The following FCGR2B variants were observed in gnomAD, a reference collection of about 807,000 sequenced individuals.
The protein encoded by FCGR2B is low affinity immunoglobulin gamma Fc region receptor II-b.
A neutral mutation model predicts 24.8 loss-of-function variants in FCGR2B; 18 were observed. The ratio of observed to expected loss-of-function variants is 0.73; its 90% CI spans 0.50 to 1.08. The LOEUF (loss-of-function observed/expected upper bound fraction) is 1.08. FCGR2B is among the 50% of genes least tolerant of loss of function. The pLI is 0.00. For synonymous variants in FCGR2B, 79 were observed against 109.8 expected, an observed-to-expected ratio of 0.72 and a Z score of 1.75; for missense variants, 215 against 297.6, an observed-to-expected ratio of 0.72 and a Z score of 2.04.
the FCGR2B span, among the ~76,000 whole-genome samples, chr1:161,647,583 G>C: frequency 2.0e-5 from 3 of 150,612 alleles, no homozygotes; most frequent in Non-Finnish European, 4.4e-5. Context: ...AGCATTAGAG[G>C]TGTGAGCCAC....
At chr1:161,647,560 C>T in the FCGR2B span, among the ~76,000 whole-genome samples, 1 of 150,496 alleles carries the variant, frequency 6.6e-6, no homozygotes. Flanking sequence ...CCGCCTCGGC[C>T]TCCTAAAGTG....
At position 161,677,797 on chromosome 1, in the gene FCGR2B, C is replaced by T; in HGVS notation, c.*244C>T. 2.0e-6 allele frequency: 1 copy of T among 491,030 alleles called. No homozygotes were observed. Among genetic ancestry groups the T allele is most frequent in the Non-Finnish European group, 3.6e-6 (1 of 279,678 alleles). 30.4% of individuals were successfully genotyped at this position (491,030 alleles called of 1,614,324 possible). A position where few individuals can be genotyped will look rare whatever the true frequency, so the allele number is the denominator to read the frequency against. On this transcript the variant is annotated 3_prime_UTR_variant, in exon 8 of 8. Coordinates refer to ENST00000358671, the MANE Select transcript of FCGR2B (RefSeq NM_001394477.1). ...TTCTTGACATCAAGGCTCTTCCGTT[C>T]CACATCCACACAGCCAATCCAATTA... is the stretch of plus-strand genomic sequence containing the variant.
chr1:161,671,604 G>A lies in FCGR2B; in HGVS notation c.346G>A (p.Gly116Ser), dbSNP rs1027797807. 5 of 1,613,900 alleles carry A rather than the reference G, an allele frequency of 3.1e-6. No individual in the cohort carries two copies. In the African/African-American group the frequency reaches 5.3e-5, roughly 17 times the overall value. The change falls in exon 3 of 8, where the codon GGC becomes AGC. Residue 116 changes from glycine to serine, a missense_variant. Coordinates refer to ENST00000358671, the MANE Select transcript of FCGR2B (RefSeq NM_001394477.1). ...NDSGEYTCQT[G>S]QTSLSDPVHL... The stretch of plus-strand genomic sequence containing the variant: ...CAGCGGGGAGTACACGTGCCAGACT[G>A]GCCAGACCAGCCTCAGCGACCCTGT...
intron 6 of FCGR2B, 64 bp from the exon 7 acceptor site, chr1:161,677,264 A>C: frequency 1.3e-6 from 2 of 1,531,622 alleles, no homozygotes; most frequent in South Asian, 2.2e-5. Context: ...CAGCCTCAGC[A>C]TCAGCACAGG....
chr1:161,653,446 G>A, the FCGR2B span, among the ~76,000 whole-genome samples: 3 of 130,332 alleles, frequency 2.3e-5, no homozygotes, highest in Non-Finnish European at 3.4e-5. Context: ...AAAAATAAAC[G>A]AATAAAGAGA....
At chr1:161,652,667 CTG>C in the FCGR2B span, among the ~76,000 whole-genome samples, 3 of 134,760 alleles carry the variant, frequency 2.2e-5, no homozygotes, top group African/African-American at 7.7e-5. Context: ...CCTTGCTTTT[CTG>C]TGTTGGCTCA....
At chr1:161,656,364 T>C in the FCGR2B span, among the ~76,000 whole-genome samples, 1 of 122,408 alleles carries the variant, frequency 8.2e-6, no homozygotes, top group Non-Finnish European at 1.9e-5. Flanking sequence ...GAGTCAACAT[T>C]GGGTTAGAGC....
Position 161,674,038 on chromosome 1 carries a change from T to C in FCGR2B, c.725T>C (p.Val242Ala), listed in dbSNP as rs914169053. 3.9e-6 allele frequency: 2 copies of C among 511,270 alleles called. No homozygotes were observed. The highest frequency in any genetic ancestry group is 5.5e-5 in the African/African-American group (2 of 36,310). The allele number at this position is 511,270 out of a possible 1,614,324, so 31.7% of individuals were successfully genotyped here. A position where few individuals can be genotyped will look rare whatever the true frequency, so the allele number is the denominator to read the frequency against. The change falls in exon 5 of 8, where the codon GTG becomes GCG. Residue 242 changes from valine (V) to alanine (A), a missense_variant. Physicochemically the swap from Val to Ala is moderately conservative, Grantham distance 64. Coordinates refer to ENST00000358671, the MANE Select transcript of FCGR2B (RefSeq NM_001394477.1). Reference protein sequence around the residue: ...IAVAAIVAAVVALIYCRKKRI... With the variant: ...IAVAAIVAAVAALIYCRKKRI... ...GTAGCGGCCATTGTTGCTGCTGTAG[T>C]GGCCTTGATCTACTGCAGGAAAAAG... is the stretch of plus-strand genomic sequence containing the variant.
chr1:161,648,454 G>A, the FCGR2B span, among the ~76,000 whole-genome samples: 9 of 148,538 alleles, frequency 6.1e-5, no homozygotes, highest in African/African-American at 1.5e-4. Context: ...TTTAATGTGC[G>A]TTTCCCTGAT....
chr1:161,675,261 C>T lies in FCGR2B; in HGVS notation c.765C>T (p.Leu255=), dbSNP rs761942705. ...IYCRKKRISA[L]PGYPECREMG... is the part of the protein sequence containing the mutation. ...CCTCCTGTGTGCCCCTCCCAGCTCT[C>T]CCAGGATACCCTGAGTGCAGGGAAA... Residue 255 remains leucine, a synonymous_variant, in exon 6 of 8, where the codon CTC becomes CTT. Coordinates refer to ENST00000358671, the MANE Select transcript of FCGR2B (RefSeq NM_001394477.1). 2 of 1,606,258 alleles carry T rather than the reference C, an allele frequency of 1.2e-6. No individual in the cohort carries two copies. Among genetic ancestry groups the T allele is most frequent in the Non-Finnish European group, 1.7e-6 (2 of 1,177,056 alleles).
chr1:161,656,379 C>G, the FCGR2B span, among the ~76,000 whole-genome samples: 30,441 of 101,786 alleles, frequency 0.3, 4,264 homozygotes, highest in Non-Finnish European at 0.38. Context: ...TAGAGCACTG[C>G]ATATGGGTTG....
chr1:161,650,650 G>C, the FCGR2B span, among the ~76,000 whole-genome samples: 1 of 139,310 alleles, frequency 7.2e-6, no homozygotes, highest in Non-Finnish European at 1.5e-5. Context: ...AACCAACTCT[G>C]TTGAGAACCA....
chr1:161,673,663 G>A (rs1324998367), intron 4 of FCGR2B: 3 of 522,588 alleles, frequency 5.7e-6, no homozygotes, highest in East Asian at 3.4e-5. Flanking sequence ...CCAGCTATGC[G>A]AGGCTTTGGG....
upstream of FCGR2B, among the ~76,000 whole-genome samples, chr1:161,661,254 GA>G (rs1366436127): frequency 1.1e-4 from 4 of 37,352 alleles, no homozygotes; most frequent in Admixed American, 2.9e-4. Flanking sequence ...AAGAAAGAAA[GA>G]AAGAAAGGAA....
intron 3 of FCGR2B, 41 bp from the exon 4 acceptor site, chr1:161,672,934 C>T: frequency 2.5e-6 from 4 of 1,612,084 alleles, no homozygotes; most frequent in Non-Finnish European, 3.4e-6. Flanking sequence ...AGAGCTGAGC[C>T]AAGACCTCCC....
upstream of FCGR2B, among the ~76,000 whole-genome samples, chr1:161,661,006 G>A (rs1438217036): frequency 3.8e-5 from 3 of 78,696 alleles, no homozygotes; most frequent in African/African-American, 1.7e-4. Flanking sequence ...CCCGGGAGGC[G>A]GAGGTTGTAG....
chr1:161,661,194 GA>G (rs1371442982), upstream of FCGR2B, among the ~76,000 whole-genome samples: 2 of 9,026 alleles, frequency 2.2e-4, no homozygotes, highest in Admixed American at 8.7e-4. Flanking sequence ...AGAAAGGAAA[GA>G]AAGAAAGAAA....
chr1:161,671,363 T>C (rs778978720), intron 2 of FCGR2B, 29 bp from the exon 3 acceptor site: 1 of 1,614,136 alleles, frequency 6.2e-7, no homozygotes, highest in South Asian at 1.1e-5. Flanking sequence ...TTCCTCTTCT[T>C]CATGCTACCT....
At chr1:161,676,888 C>G (rs549679996) in intron 6 of FCGR2B, 201 of 185,740 alleles carry the variant, frequency 1.1e-3, no homozygotes, top group Non-Finnish European at 1.9e-3. Context: ...TTTCAAAGTT[C>G]CAACAAAGAT....
Sources: allele counts gnomAD v4.1 joint callset (sites outside exome capture counted in the v4.1 genomes callset), GRCh38; gene constraint gnomAD v4.1.1; transcripts MANE v1.5; gene names NCBI Gene and HGNC (gene_info 2026-07-23, HGNC 2026-07-21).